EIF3D: variants seen among roughly 807,000 people sequenced by gnomAD.
EIF3D encodes eukaryotic translation initiation factor 3 subunit D, also known as eIF3 p66.
In EIF3D, 10 loss-of-function variants were observed where a neutral mutation model predicts 75.4. That is an observed-to-expected ratio of 0.13 (90% CI 0.08 to 0.22). The LOEUF (loss-of-function observed/expected upper bound fraction) is 0.22. EIF3D is among the 10% of genes least tolerant of loss of function. The pLI is 1.00. For missense variants in EIF3D, 394 were observed against 708.0 expected (o/e 0.56, Z 5.03); for synonymous variants, 246 against 248.3 (o/e 0.99, Z 0.09).
At chr22:36,524,875 C>G (rs1603499064) in intron 3 of EIF3D, 143 bp from the exon 4 acceptor site, 2 of 981,120 alleles carry the variant, frequency 2.0e-6, no homozygotes, top group African/African-American at 1.6e-5. Context: ...GACTCACAGT[C>G]CCACCCCATA....
At chr22:36,527,578 C>A (rs182416618) in intron 1 of EIF3D, among the ~76,000 whole-genome samples, 1 of 152,204 alleles carries the variant, frequency 6.6e-6, no homozygotes, top group South Asian at 2.1e-4. Context: ...CGGTGGCTCA[C>A]GCCTGTAATC....
chr22:36,526,167 C>T (rs760386802), intron 1 of EIF3D, 36 bp from the exon 2 acceptor site: 44 of 1,558,212 alleles, frequency 2.8e-5, no homozygotes, highest in South Asian at 2.0e-4. Flanking sequence ...GCGGCATGAA[C>T]GAAGGCCTCA....
chr22:36,517,233 G>A (rs1934441710), intron 10 of EIF3D, 68 bp downstream of exon 10: 3 of 1,605,734 alleles, frequency 1.9e-6, no homozygotes, highest in Admixed American at 3.4e-5. Context: ...CTAGCACAAA[G>A]CAGATGCTCC....
Position 36,517,322 on chromosome 22 carries a change from G to A in EIF3D, c.969C>T (p.Phe323=), listed in dbSNP as rs1247283694. ...TCACCATTCTCAAGCACTGCTGGGA[G>A]AAATTGTGGTTGATGTAGGTTGCCT... The part of the protein sequence containing the change: ...AMEATYINHN[F]SQQCLRMGKE... The change falls in exon 10 of 15, where the codon TTC becomes TTT. Residue 323 remains phenylalanine, a synonymous_variant. Coordinates refer to ENST00000216190, the MANE Select transcript of EIF3D (RefSeq NM_003753.4). The A allele has an allele frequency of 1.2e-6, 2 of 1,613,896 alleles. No homozygotes were observed. Among genetic ancestry groups the A allele is most frequent in the Admixed American group, 1.7e-5 (1 of 59,962 alleles).
rs759029765 is a variant in EIF3D at position 36,518,817 on chromosome 22, C to T, written c.805G>A (p.Val269Ile). ...TRSVYSWDIV[V>I]QRVGSKLFFD... ...AAGAGTTTGGACCCAACTCTCTGGA[C>T]GACAATATCCCAGGAATACACTGAG... Residue 269 changes from valine to isoleucine, a missense_variant, in exon 9 of 15, where the codon GTC becomes ATC. Val to Ile is a conservative substitution (Grantham distance 29). Coordinates refer to ENST00000216190, the MANE Select transcript of EIF3D (RefSeq NM_003753.4). 41 of 1,614,044 alleles carry T rather than the reference C, an allele frequency of 2.5e-5. No individual in the cohort carries two copies. The East Asian group carries it at 2.9e-4, about 11-fold the overall frequency.
chr22:36,528,973 G>C, intron 1 of EIF3D, 103 bp downstream of exon 1: 1 of 277,904 alleles, frequency 3.6e-6, no homozygotes, highest in Non-Finnish European at 6.7e-6. Context: ...GGCAACAGCA[G>C]GAAGGGACTA....
At chr22:36,513,153 CCT>C (rs1426207170) in intron 12 of EIF3D, among the ~76,000 whole-genome samples, 1 of 152,082 alleles carries the variant, frequency 6.6e-6, no homozygotes, top group Non-Finnish European at 1.5e-5. Flanking sequence ...CCAGAGAGAT[CCT>C]CTTTTCTACC....
chr22:36,521,771 A>G (rs1025719795), intron 6 of EIF3D, among the ~76,000 whole-genome samples: 1 of 141,738 alleles, frequency 7.1e-6, no homozygotes, highest in Non-Finnish European at 1.5e-5. Context: ...TACAAAACAT[A>G]TGAAAAAAAA....
chr22:36,511,653 T>C lies in EIF3D; in HGVS notation c.1483A>G (p.Ile495Val), dbSNP rs750796856. The change falls in exon 14 of 15, where the codon ATT becomes GTT. Residue 495 changes from isoleucine (I) to valine (V), a missense_variant. Transcript: ENST00000216190. ...ENAWGILRCV[I>V]DICMKLEEGK... The stretch of plus-strand genomic sequence containing the variant: ...TCCTCCAGCTTCATGCAGATGTCAA[T>C]GACGCAGCGTAAAATGCCCCAGGCA... The C allele has an allele frequency of 6.8e-6, 11 of 1,614,036 alleles. No homozygotes were observed. The highest frequency in any genetic ancestry group is 1.7e-5 in the Admixed American group (1 of 59,992).
intron 1 of EIF3D, 131 bp from the exon 2 acceptor site, chr22:36,526,262 T>C: frequency 2.1e-6 from 2 of 957,190 alleles, no homozygotes; most frequent in Non-Finnish European, 2.9e-6. Flanking sequence ...AACCCTCAAC[T>C]GTTGAGCGAC....
Position 36,518,811 on chromosome 22 carries a change from T to C in EIF3D, c.811A>G (p.Arg271Gly). The stretch of plus-strand genomic sequence containing the variant: ...TCAAAGAAGAGTTTGGACCCAACTC[T>C]CTGGACGACAATATCCCAGGAATAC... The part of the protein sequence containing the change: ...SVYSWDIVVQ[R>G]VGSKLFFDKR... The change falls in exon 9 of 15, where the codon AGA becomes GGA. Residue 271 changes from arginine to glycine, a missense_variant. Arg to Gly is a moderately radical substitution (Grantham distance 125). Transcript: ENST00000216190. The C allele has an allele frequency of 6.2e-7, 1 of 1,614,204 alleles. No homozygotes were observed. The highest frequency in any genetic ancestry group is 8.5e-7 in the Non-Finnish European group (1 of 1,180,046).
Position 36,516,710 on chromosome 22 carries a change from C to G in EIF3D, c.1071G>C (p.Ala357=), listed in dbSNP as rs748577380. ...CCACCAGAGAGGTGACCTACCGGTACGCAACAGAGGCGATTTCATTCTTAT... is the reference window on the plus strand; with the variant it reads ...CCACCAGAGAGGTGACCTACCGGTAGGCAACAGAGGCGATTTCATTCTTAT... The part of the protein sequence containing the change: ...DMDKNEIASV[A]YRYRRWKLGD... Residue 357 remains alanine (A), a synonymous_variant, in exon 11 of 15, where the codon GCG becomes GCC. Coordinates refer to ENST00000216190, the MANE Select transcript of EIF3D (RefSeq NM_003753.4). The G allele has an allele frequency of 6.2e-7, 1 of 1,614,226 alleles. No homozygotes were observed. Among genetic ancestry groups the G allele is most frequent in the Non-Finnish European group, 8.5e-7 (1 of 1,180,034 alleles).
In EIF3D at chr22:36,511,140, G is replaced by A. The variant is rs956352923; in HGVS notation, c.1634-140C>T. The A allele has an allele frequency of 7.4e-6, 8 of 1,085,488 alleles. No individual in the cohort carries two copies. The African/African-American group carries it at 1.3e-4, about 17-fold the overall frequency. The allele number at this position is 1,085,488 out of a possible 1,614,324, so 67.2% of individuals were successfully genotyped here. A position where few individuals can be genotyped will look rare whatever the true frequency, so the allele number is the denominator to read the frequency against. ...GTTAAGCCTTTCAGATGCTCACAGGGCTGGGCAGGTATTTCCTTCAGTCAC... is the reference window on the plus strand; with the variant it reads ...GTTAAGCCTTTCAGATGCTCACAGGACTGGGCAGGTATTTCCTTCAGTCAC... On this transcript the variant is annotated intron_variant, in intron 14 of 14. Transcript: ENST00000216190.
intron 12 of EIF3D, among the ~76,000 whole-genome samples, chr22:36,515,896 G>C (rs1432159949): frequency 6.6e-6 from 1 of 151,770 alleles, no homozygotes; most frequent in African/African-American, 2.4e-5. Context: ...GATGTGGGCG[G>C]GGGGGCGGAT....
At position 36,512,616 on chromosome 22, in the gene EIF3D, C is replaced by A; in HGVS notation, c.1207-14G>T. 1 of 1,602,672 alleles carries A rather than the reference C, an allele frequency of 6.2e-7. No homozygotes were observed. The highest frequency in any genetic ancestry group is 1.7e-4 in the Middle Eastern group (1 of 6,008). On this transcript the variant is annotated splice_polypyrimidine_tract_variant and intron_variant, in intron 12 of 14. Coordinates refer to ENST00000216190, the MANE Select transcript of EIF3D (RefSeq NM_003753.4). ...GCCATTACAGTGCTGCAGGAGAGCC[C>A]CGTTAGAGAAACAGAAGCAAGCTCC...
chr22:36,522,079 C>T (rs575375079), intron 6 of EIF3D, among the ~76,000 whole-genome samples: 41 of 150,378 alleles, frequency 2.7e-4, no homozygotes, highest in African/African-American at 8.1e-4. Flanking sequence ...ACAAGCCAGG[C>T]GCAGTGGCTC....
chr22:36,517,588 C>G, intron 9 of EIF3D, 157 bp from the exon 10 acceptor site: 2 of 736,470 alleles, frequency 2.7e-6, no homozygotes, highest in Non-Finnish European at 2.0e-6. Context: ...AACACATAAG[C>G]GGGGGAGTGG....
At chr22:36,518,694 C>G in intron 9 of EIF3D, 69 bp downstream of exon 9, 1 of 1,579,708 alleles carries the variant, frequency 6.3e-7, no homozygotes, top group Non-Finnish European at 8.6e-7. Context: ...TTCTCTAGTA[C>G]CAGAGACTTG....
chr22:36,516,361 C>T (rs772652875), intron 12 of EIF3D, 117 bp downstream of exon 12: 1 of 1,294,272 alleles, frequency 7.7e-7, no homozygotes, highest in South Asian at 1.5e-5. Flanking sequence ...ATCCAGGTAG[C>T]TCTATAAGTA....
Sources: allele counts gnomAD v4.1 joint callset (sites outside exome capture counted in the v4.1 genomes callset), GRCh38; gene constraint gnomAD v4.1.1; transcripts MANE v1.5; gene names NCBI Gene and HGNC (gene_info 2026-07-23, HGNC 2026-07-21).